Variants in OCA2 observed in about 807,000 individuals in gnomAD.
The protein encoded by OCA2 is OCA2 melanosomal transmembrane protein.
A neutral mutation model predicts 100.2 loss-of-function variants in OCA2; 77 were observed. That is an observed-to-expected ratio of 0.77 (90% CI 0.64 to 0.93). The LOEUF (loss-of-function observed/expected upper bound fraction) is 0.93. Ranked by LOEUF, OCA2 falls within the 40% of genes least tolerant of loss-of-function variation. The probability of loss-of-function intolerance (pLI) is 0.00; values close to 1 mark genes in which losing one functional copy is unlikely to be tolerated. For missense variants in OCA2, 1,062 were observed against 1,089.1 expected, an observed-to-expected ratio of 0.98 and a Z score of 0.35; for synonymous variants, 432 against 439.2, an observed-to-expected ratio of 0.98 and a Z score of 0.21.
At position 28,014,846 on chromosome 15, in the gene OCA2, C is replaced by T; in HGVS notation, c.974G>A (p.Gly325Glu). Residue 325 changes from glycine (G) to glutamate (E), a missense_variant, in exon 9 of 24, where the codon GGA (glycine) becomes GAA (glutamate). Transcript: ENST00000354638. ...PLLMAHQYLRGSVETQVTIAT... is the reference protein window; with the variant it reads ...PLLMAHQYLRESVETQVTIAT... ...GATGGTCACCTGGGTTTCTACACTT[C>T]CGCGGAGGTACTGATGAGCCATCAA... 1 of 1,614,128 alleles carries T rather than the reference C, an allele frequency of 6.2e-7. No homozygotes were observed. Among genetic ancestry groups the T allele is most frequent in the Non-Finnish European group, 8.5e-7 (1 of 1,180,030 alleles).
At chr15:27,764,891 A>C (rs2031132666) in intron 23 of OCA2, among the ~76,000 whole-genome samples, 1 of 152,226 alleles carries the variant, frequency 6.6e-6, no homozygotes, top group African/African-American at 2.4e-5. Context: ...TGGCTAGTCC[A>C]TAGGCAGAGC....
intron 15 of OCA2, among the ~76,000 whole-genome samples, chr15:27,964,561 T>C (rs2040503336): frequency 6.6e-6 from 1 of 152,120 alleles, no homozygotes; most frequent in Non-Finnish European, 1.5e-5. Flanking sequence ...GAACAGATGA[T>C]GATCAGGGCC....
intron 19 of OCA2, among the ~76,000 whole-genome samples, chr15:27,886,044 G>T (rs554821803): frequency 6.6e-6 from 1 of 152,298 alleles, no homozygotes; most frequent in East Asian, 1.9e-4. Flanking sequence ...GATATTTGAG[G>T]AGACTCTAGA....
chr15:27,839,032 A>G (rs962972836), intron 23 of OCA2, among the ~76,000 whole-genome samples: 1 of 152,226 alleles, frequency 6.6e-6, no homozygotes, highest in African/African-American at 2.4e-5. Flanking sequence ...ATGTTTTGAA[A>G]GCAGAAATAC....
chr15:27,775,463 ACCT>A (rs2032154668), intron 23 of OCA2, among the ~76,000 whole-genome samples: 1 of 151,558 alleles, frequency 6.6e-6, no homozygotes. Context: ...TTCTCCTCAC[ACCT>A]CCTCTCCTCG....
intron 23 of OCA2, 92 bp from the exon 24 acceptor site, chr15:27,755,564 A>G: frequency 2.0e-6 from 2 of 977,962 alleles, no homozygotes; most frequent in East Asian, 4.8e-5. Context: ...TGGCCTTAGC[A>G]CCTTTGCATT....
the OCA2 span, among the ~76,000 whole-genome samples, chr15:27,720,752 G>A: frequency 1.3e-5 from 2 of 152,068 alleles, no homozygotes; most frequent in Admixed American, 1.3e-4. Context: ...GTACACACAT[G>A]TCACAATTGA....
chr15:28,032,147 G>C lies in OCA2; in HGVS notation c.244C>G (p.Pro82Ala), dbSNP rs1406242149. ...LTKGRSHSSL[P>A]QMSSSRSKDS... is the part of the protein sequence containing the mutation. The stretch of plus-strand genomic sequence containing the variant: ...TTAGACCTGGAGCTGGACATCTGGG[G>C]CAAAGAAGAGTGAGACCTGAAAGAG... Residue 82 changes from proline to alanine, a missense_variant, in exon 3 of 24, where the codon CCC (proline) becomes GCC (alanine). By Grantham distance (27) the Pro-to-Ala change is conservative. Coordinates refer to ENST00000354638, the MANE Select transcript of OCA2 (RefSeq NM_000275.3). 6.2e-7 allele frequency: 1 copy of C among 1,613,512 alleles called. No homozygotes were observed.
intron 2 of OCA2, among the ~76,000 whole-genome samples, chr15:28,044,544 C>T (rs1249363166): frequency 1.3e-5 from 2 of 152,320 alleles, no homozygotes; most frequent in East Asian, 1.9e-4. Context: ...ATCCCTGCCA[C>T]GTGCTACAGG....
intron 19 of OCA2, among the ~76,000 whole-genome samples, chr15:27,918,611 T>C (rs1389851895): frequency 6.6e-6 from 1 of 152,234 alleles, no homozygotes; most frequent in East Asian, 1.9e-4. Flanking sequence ...ATGAAAATTC[T>C]TTGTTTTGTT....
intron 23 of OCA2, among the ~76,000 whole-genome samples, chr15:27,801,550 C>CAAAAAAAAAAAAAAAAAAAAAA (rs34636608): frequency 2.6e-5 from 1 of 37,828 alleles, no homozygotes; most frequent in African/African-American, 7.8e-5. Context: ...GACTCGGTCT[C>CAAAAAAAAAAAAAAAAAAAAAA]AAAAAAAAAA....
At chr15:27,738,652 T>G in the OCA2 span, among the ~76,000 whole-genome samples, 10 of 151,186 alleles carry the variant, frequency 6.6e-5, no homozygotes, top group South Asian at 6.2e-4. Flanking sequence ...GGAGAATGGC[T>G]TGAATCCGGG....
At chr15:27,805,438 G>A (rs2055291) in intron 23 of OCA2, among the ~76,000 whole-genome samples, 23,962 of 152,248 alleles carry the variant, frequency 0.16, 2,526 homozygotes, top group African/African-American at 0.3. Context: ...GCAGATGGCT[G>A]CACACCGCGG....
At chr15:28,027,787 G>A (rs776522839) in intron 4 of OCA2, 84 bp downstream of exon 4, 409 of 1,390,672 alleles carry the variant, frequency 2.9e-4, no homozygotes, top group Non-Finnish European at 3.9e-4. Context: ...TCTTCACGCT[G>A]CTGGTTTGAA....
intron 2 of OCA2, among the ~76,000 whole-genome samples, chr15:28,066,855 G>T (rs181240284): frequency 6.6e-6 from 1 of 152,032 alleles, no homozygotes; most frequent in African/African-American, 2.4e-5. Flanking sequence ...ATCCTAATCC[G>T]GACATTCCTT....
At chr15:27,806,111 C>T (rs1005794084) in intron 23 of OCA2, among the ~76,000 whole-genome samples, 2 of 152,152 alleles carry the variant, frequency 1.3e-5, no homozygotes, top group Admixed American at 1.3e-4. Flanking sequence ...GCTAATGGCA[C>T]CAGCCGCATG....
intron 21 of OCA2, among the ~76,000 whole-genome samples, chr15:27,853,912 T>C (rs2035857151): frequency 6.6e-6 from 1 of 152,154 alleles, no homozygotes; most frequent in Admixed American, 6.5e-5. Flanking sequence ...GCAATAATAT[T>C]CGATGCCGAG....
At chr15:27,956,585 T>G (rs2040230589) in intron 16 of OCA2, among the ~76,000 whole-genome samples, 2 of 152,160 alleles carry the variant, frequency 1.3e-5, no homozygotes, top group South Asian at 4.1e-4. Context: ...CAGCACAATT[T>G]ATTCCATCTT....
intron 23 of OCA2, among the ~76,000 whole-genome samples, chr15:27,791,987 T>A (rs2033103941): frequency 6.6e-6 from 1 of 152,144 alleles, no homozygotes; most frequent in Non-Finnish European, 1.5e-5. Flanking sequence ...TCTGATGGGC[T>A]CCCAAGGAGG....
Sources: gnomAD v4.1 joint callset for allele counts (sites outside exome capture counted in the v4.1 genomes callset) on GRCh38, gnomAD v4.1.1 for gene constraint, MANE v1.5 for transcripts, NCBI Gene and HGNC (gene_info 2026-07-23, HGNC 2026-07-21) for gene names.